Variants in LRFN5 observed in about 807,000 individuals in gnomAD.
LRFN5 encodes leucine rich repeat and fibronectin type III domain containing 5, also known as leucine-rich repeat and fibronectin type-III domain-containing protein 5.
A neutral mutation model predicts 45.6 loss-of-function variants in LRFN5; 24 were observed. The ratio of observed to expected loss-of-function variants is 0.53; its 90% confidence interval spans 0.38 to 0.74. LRFN5 has a LOEUF of 0.74. Among genes scored for constraint, LRFN5 ranks in the 30% least tolerant of loss-of-function variants. The pLI, the probability that LRFN5 is intolerant of heterozygous loss-of-function variation, is 0.00. For synonymous variants in LRFN5, 340 were observed against 313.8 expected (o/e 1.08, Z -0.88); for missense variants, 776 against 861.5 (o/e 0.90, Z 1.24).
At chr14:41,813,520 G>T (rs1269568444) in intron 2 of LRFN5, among the ~76,000 whole-genome samples, 2 of 152,146 alleles carry the variant, frequency 1.3e-5, no homozygotes, top group African/African-American at 2.4e-5. Context: ...CAAAGGACAT[G>T]AACTCACTCT....
At chr14:41,808,975 T>G (rs1243322798) in intron 2 of LRFN5, among the ~76,000 whole-genome samples, 3 of 152,118 alleles carry the variant, frequency 2.0e-5, no homozygotes, top group Non-Finnish European at 4.4e-5. Context: ...CCTCTATTCA[T>G]CTGGCACTAT....
At chr14:41,750,350 G>A (rs1330315348) in intron 1 of LRFN5, among the ~76,000 whole-genome samples, 2 of 150,164 alleles carry the variant, frequency 1.3e-5, no homozygotes, top group East Asian at 3.9e-4. Flanking sequence ...TATATAGAGA[G>A]AGAGATAATG....
In LRFN5 at chr14:41,794,899, AT is replaced by A. The variant is rs1887063526; in HGVS notation, c.-21+27872del. ...TCATATGTTCCTAAGATGCACAATTATTGAAAACTTTAATTATAAATATTTA... is the reference window on the plus strand; with the variant it reads ...TCATATGTTCCTAAGATGCACAATTATGAAAACTTTAATTATAAATATTTA... On this transcript the variant is annotated intron_variant, in intron 2 of 5. Coordinates refer to ENST00000298119, the MANE Select transcript of LRFN5 (RefSeq NM_152447.5). 4.6e-5 allele frequency among the ~76,000 whole-genome samples: 7 copies of A among 152,110 alleles called. No individual in the cohort carries two copies. In the South Asian group the frequency reaches 1.4e-3, roughly 31 times the overall value.
chr14:41,707,166 G>T (rs907303087), intron 1 of LRFN5, among the ~76,000 whole-genome samples: 1 of 152,186 alleles, frequency 6.6e-6, no homozygotes, highest in African/African-American at 2.4e-5. Flanking sequence ...TTGGAAGAAG[G>T]CCTGCCTTAA....
intron 2 of LRFN5, among the ~76,000 whole-genome samples, chr14:41,881,432 A>G (rs758949589): frequency 4.6e-5 from 7 of 151,968 alleles, no homozygotes; most frequent in Non-Finnish European, 8.8e-5. Context: ...TATATGCAAT[A>G]TCTTTTTCTC....
chr14:41,704,761 G>A (rs1178737756), intron 1 of LRFN5, among the ~76,000 whole-genome samples: 1 of 151,708 alleles, frequency 6.6e-6, no homozygotes, highest in Non-Finnish European at 1.5e-5. Flanking sequence ...TCCTATTATC[G>A]TTCCTTAGTT....
intron 1 of LRFN5, among the ~76,000 whole-genome samples, chr14:41,745,183 G>T (rs1884872041): frequency 6.6e-6 from 1 of 151,910 alleles, no homozygotes; most frequent in African/African-American, 2.4e-5. Context: ...TATTTACTCT[G>T]GTGACAATGG....
chr14:41,841,229 A>G (rs1243404301), intron 2 of LRFN5, among the ~76,000 whole-genome samples: 4 of 151,956 alleles, frequency 2.6e-5, no homozygotes, highest in South Asian at 4.1e-4. Context: ...TAGAAATTAT[A>G]TAAGGACATT....
At chr14:41,665,106 T>C (rs1444809398) in intron 1 of LRFN5, among the ~76,000 whole-genome samples, 2 of 152,084 alleles carry the variant, frequency 1.3e-5, no homozygotes, top group Non-Finnish European at 2.9e-5. Context: ...TTTTTATTTT[T>C]TAATTTGGCA....
intron 2 of LRFN5, among the ~76,000 whole-genome samples, chr14:41,836,435 A>G (rs1888665058): frequency 6.6e-6 from 1 of 152,230 alleles, no homozygotes; most frequent in South Asian, 2.1e-4. Flanking sequence ...ATGTTTGGGC[A>G]TATGCATGTA....
chr14:41,858,565 C>T (rs1889553896), intron 2 of LRFN5, among the ~76,000 whole-genome samples: 1 of 152,028 alleles, frequency 6.6e-6, no homozygotes, highest in South Asian at 2.1e-4. Flanking sequence ...TTGCATGGGA[C>T]TGGACAATGC....
At chr14:41,777,594 C>T (rs939361288) in intron 2 of LRFN5, among the ~76,000 whole-genome samples, 4 of 151,786 alleles carry the variant, frequency 2.6e-5, no homozygotes, top group African/African-American at 9.7e-5. Flanking sequence ...GAAAATAGCA[C>T]TATTAAATTT....
chr14:41,706,530 C>T (rs924869052), intron 1 of LRFN5, among the ~76,000 whole-genome samples: 2 of 151,974 alleles, frequency 1.3e-5, no homozygotes, highest in African/African-American at 4.8e-5. Context: ...TATTGTCAGT[C>T]TGACTTTTAA....
At chr14:41,696,563 T>C (rs200516197) in intron 1 of LRFN5, among the ~76,000 whole-genome samples, 1 of 40,672 alleles carries the variant, frequency 2.5e-5, no homozygotes, top group Non-Finnish European at 3.9e-5. Flanking sequence ...TCTGTTGATA[T>C]CTATTCATTT....
At chr14:41,614,681 C>A (rs536951204) in intron 1 of LRFN5, among the ~76,000 whole-genome samples, 4 of 152,080 alleles carry the variant, frequency 2.6e-5, no homozygotes, top group Non-Finnish European at 4.4e-5. Context: ...CCCTTGGTCA[C>A]AGCCCTGTAT....
chr14:41,614,693 A>G (rs1887874033), intron 1 of LRFN5, among the ~76,000 whole-genome samples: 1 of 152,080 alleles, frequency 6.6e-6, no homozygotes, highest in Non-Finnish European at 1.5e-5. Context: ...GCCCTGTATA[A>G]CCTTGAACAA....
chr14:41,750,296 T>C (rs1323816599), intron 1 of LRFN5, among the ~76,000 whole-genome samples: 1 of 147,256 alleles, frequency 6.8e-6, no homozygotes, highest in Non-Finnish European at 1.5e-5. Flanking sequence ...TATATATATA[T>C]AAGATTTTTT....
chr14:41,770,883 G>A (rs1023715750), intron 2 of LRFN5, among the ~76,000 whole-genome samples: 2 of 151,996 alleles, frequency 1.3e-5, no homozygotes, highest in African/African-American at 4.8e-5. Context: ...GCATTGCCCT[G>A]GTAGAGTTTC....
chr14:41,650,266 C>CACACAAAAA (rs1247683262), intron 1 of LRFN5, among the ~76,000 whole-genome samples: 1 of 135,534 alleles, frequency 7.4e-6, no homozygotes, highest in Non-Finnish European at 1.6e-5. Flanking sequence ...CACACACACA[C>CACACAAAAA]AAAAAAAAAA....
Sources: allele counts gnomAD v4.1 joint callset (sites outside exome capture counted in the v4.1 genomes callset), GRCh38; gene constraint gnomAD v4.1.1; transcripts MANE v1.5; gene names NCBI Gene and HGNC (gene_info 2026-07-23, HGNC 2026-07-21).